Variants in C12orf42 observed in about 807,000 individuals in gnomAD.
C12orf42 encodes chromosome 12 open reading frame 42, also known as uncharacterized protein C12orf42.
C12orf42 carries 25 observed loss-of-function variants against 21.6 expected under a neutral mutation model. The observed-to-expected ratio is 1.16, with a 90% CI of 0.84 to 1.62. The LOEUF (loss-of-function observed/expected upper bound fraction) is 1.62. C12orf42 is among the 40% of genes most tolerant of loss of function. The pLI is 0.00. For synonymous variants in C12orf42, 174 were observed against 175.0 expected, an observed-to-expected ratio of 0.99 and a Z score of 0.05; for missense variants, 483 against 459.3, an observed-to-expected ratio of 1.05 and a Z score of -0.47.
the C12orf42 span, among the ~76,000 whole-genome samples, chr12:103,547,184 C>T: frequency 6.6e-4 from 100 of 152,278 alleles, no homozygotes; most frequent in African/African-American, 2.3e-3. Context: ...TGTTTCCTTC[C>T]CATGTCTAAT....
At chr12:103,121,356 A>G in the C12orf42 span, among the ~76,000 whole-genome samples, 1 of 152,232 alleles carries the variant, frequency 6.6e-6, no homozygotes, top group African/African-American at 2.4e-5. Flanking sequence ...TGTCCTGGTC[A>G]GCAGGCTGAA....
chr12:103,284,529 C>T (rs1367752633), intron 4 of C12orf42, among the ~76,000 whole-genome samples: 1 of 152,124 alleles, frequency 6.6e-6, no homozygotes, highest in Non-Finnish European at 1.5e-5. Flanking sequence ...ATACCCAGAC[C>T]ACAAGATAAT....
intron 5 of C12orf42, among the ~76,000 whole-genome samples, chr12:103,270,929 G>A (rs756124800): frequency 8.6e-5 from 13 of 151,836 alleles, no homozygotes; most frequent in Non-Finnish European, 1.9e-4. Flanking sequence ...TATCAGAATG[G>A]GATAATTTTG....
the C12orf42 span, among the ~76,000 whole-genome samples, chr12:103,089,301 A>AT: frequency 2.0e-5 from 3 of 152,134 alleles, no homozygotes; most frequent in East Asian, 1.9e-4. Flanking sequence ...AAATGGTGAG[A>AT]TTTTTTAAAA....
chr12:103,316,987 T>TTTGA lies in C12orf42; in HGVS notation c.260-10643_260-10642insTCAA, dbSNP rs1360095147. 1.6e-4 allele frequency among the ~76,000 whole-genome samples: 24 copies of TTTGA among 152,122 alleles called. 1 individual carries two copies. Among genetic ancestry groups the TTTGA allele is most frequent in the Admixed American group, 1.6e-3 (24 of 15,268 alleles). The stretch of plus-strand genomic sequence containing the variant: ...TCAGAGATTGGTCCACATTGCTCAG[T>TTTGA]TTATCAAAGTCACTCATTCCAGCTC... On this transcript the variant is annotated intron_variant, in intron 4 of 5. Coordinates refer to ENST00000548883, the MANE Select transcript of C12orf42 (RefSeq NM_198521.5).
rs567836049 is a variant in C12orf42, at chr12:103,435,320, C to A, written c.79-33645G>T. Among the ~76,000 whole-genome samples, 487 of 152,236 alleles carry A rather than the reference C, an allele frequency of 3.2e-3. 2 individuals carry two copies. Among genetic ancestry groups the A allele is most frequent in the Non-Finnish European group, 5.2e-3 (356 of 68,000 alleles). ...TGGGGAAAAAACAGAACAGAAAAAC[C>A]GGAAATTCTAAAACGCAGAGTGCCT... On this transcript the variant is annotated intron_variant, in intron 2 of 5. Transcript: ENST00000548883.
At chr12:103,194,692 T>A in the C12orf42 span, among the ~76,000 whole-genome samples, 9 of 152,092 alleles carry the variant, frequency 5.9e-5, no homozygotes, top group Non-Finnish European at 1.0e-4. Context: ...AAGGAAGACA[T>A]CCCATGTCCA....
At chr12:103,132,968 T>G in the C12orf42 span, among the ~76,000 whole-genome samples, 1 of 152,178 alleles carries the variant, frequency 6.6e-6, no homozygotes, top group African/African-American at 2.4e-5. Context: ...TTCCCCTGCC[T>G]ACCATAGTAA....
At chr12:103,367,599 AAC>A (rs2044725559) in intron 4 of C12orf42, among the ~76,000 whole-genome samples, 1 of 152,078 alleles carries the variant, frequency 6.6e-6, no homozygotes, top group Admixed American at 6.6e-5. Context: ...TTTGCTCATA[AAC>A]ACACTTTTTT....
the C12orf42 span, among the ~76,000 whole-genome samples, chr12:103,172,470 G>T: frequency 6.6e-6 from 1 of 152,008 alleles, no homozygotes; most frequent in Non-Finnish European, 1.5e-5. Context: ...TTTTCCCCTT[G>T]CTGATATATC....
At chr12:103,512,304 G>A in the C12orf42 span, among the ~76,000 whole-genome samples, 6 of 152,196 alleles carry the variant, frequency 3.9e-5, no homozygotes, top group African/African-American at 1.4e-4. Flanking sequence ...AGGCTGTGAA[G>A]GGTGTGTGGG....
At chr12:103,067,877 C>G in the C12orf42 span, among the ~76,000 whole-genome samples, 1 of 152,160 alleles carries the variant, frequency 6.6e-6, no homozygotes, top group Non-Finnish European at 1.5e-5. Context: ...GTCTACTACT[C>G]CACAACAGAG....
the C12orf42 span, among the ~76,000 whole-genome samples, chr12:103,096,930 T>C: frequency 2.6e-4 from 39 of 152,300 alleles, no homozygotes; most frequent in East Asian, 4.4e-3. Flanking sequence ...CTTGTGTCTA[T>C]ATGGTGTTTA....
At chr12:103,240,825 C>T (rs562660091) in intron 10 of C12orf42, among the ~76,000 whole-genome samples, 231 of 152,182 alleles carry the variant, frequency 1.5e-3, no homozygotes, top group Non-Finnish European at 2.6e-3. Flanking sequence ...CTGTAGGCTC[C>T]TAGAAGTCAG....
chr12:103,188,697 C>G, the C12orf42 span, among the ~76,000 whole-genome samples: 1 of 152,168 alleles, frequency 6.6e-6, no homozygotes, highest in Admixed American at 6.5e-5. Flanking sequence ...ACCTCCCCAC[C>G]TCTCTCTTGC....
At chr12:103,463,765 C>T (rs183754706) in intron 2 of C12orf42, among the ~76,000 whole-genome samples, 1 of 152,256 alleles carries the variant, frequency 6.6e-6, no homozygotes, top group African/African-American at 2.4e-5. Context: ...TGACAGACAC[C>T]TTCCTGTGTC....
intron 2 of C12orf42, among the ~76,000 whole-genome samples, chr12:103,455,986 C>G (rs1952263965): frequency 6.6e-6 from 1 of 152,024 alleles, no homozygotes; most frequent in Admixed American, 6.6e-5. Context: ...TTAAGGGAAG[C>G]AACTTCATTA....
intron 2 of C12orf42, among the ~76,000 whole-genome samples, chr12:103,419,408 A>G (rs549697955): frequency 6.6e-6 from 1 of 152,254 alleles, no homozygotes; most frequent in African/African-American, 2.4e-5. Context: ...CCCAGGTGGA[A>G]GTTGTTATGG....
chr12:103,192,008 C>A, the C12orf42 span, among the ~76,000 whole-genome samples: 1 of 151,564 alleles, frequency 6.6e-6, no homozygotes, highest in Non-Finnish European at 1.5e-5. Flanking sequence ...CTATAGTATA[C>A]AATATATTGC....
Sources: allele counts gnomAD v4.1 joint callset (sites outside exome capture counted in the v4.1 genomes callset), GRCh38; gene constraint gnomAD v4.1.1; transcripts MANE v1.5; gene names NCBI Gene and HGNC (gene_info 2026-07-23, HGNC 2026-07-21).